The following BRD10 variants were observed in gnomAD, a reference collection of about 807,000 sequenced individuals.
BRD10 encodes bromodomain containing 10, also known as uncharacterized bromodomain-containing protein 10.
At chr9:5,997,634 G>A in the BRD10 span, among the ~76,000 whole-genome samples, 7 of 152,076 alleles carry the variant, frequency 4.6e-5, no homozygotes, top group Non-Finnish European at 8.8e-5. Flanking sequence ...CATAAACATG[G>A]TAATTCAAAA....
At chr9:5,919,815 G>C in the BRD10 span, 1 of 1,613,832 alleles carries the variant, frequency 6.2e-7, no homozygotes, top group Non-Finnish European at 8.5e-7. Context: ...TTAGATGCTG[G>C]AGTATTTATG....
chr9:5,940,256 C>T, the BRD10 span, among the ~76,000 whole-genome samples: 1,709 of 152,234 alleles, frequency 0.011, 20 homozygotes, highest in Non-Finnish European at 0.016. Flanking sequence ...CACAGTGGTG[C>T]GATCTTGGCT....
At chr9:5,893,944 A>C in the BRD10 span, among the ~76,000 whole-genome samples, 2 of 130,686 alleles carry the variant, frequency 1.5e-5, no homozygotes, top group Non-Finnish European at 3.1e-5. Flanking sequence ...GGTGGGTATC[A>C]TTCTTGCTGT....
At chr9:5,989,350 A>G in the BRD10 span, among the ~76,000 whole-genome samples, 3 of 147,442 alleles carry the variant, frequency 2.0e-5, no homozygotes, top group African/African-American at 7.5e-5. Flanking sequence ...GGGAGGACCG[A>G]TGCTTGGGAG....
At chr9:6,003,096 T>C in the BRD10 span, among the ~76,000 whole-genome samples, 2 of 152,232 alleles carry the variant, frequency 1.3e-5, no homozygotes, top group African/African-American at 4.8e-5. Context: ...ATCCCATACA[T>C]GTACCATTTT....
chr9:5,956,111 ACT>A, the BRD10 span, among the ~76,000 whole-genome samples: 1 of 151,836 alleles, frequency 6.6e-6, no homozygotes, highest in African/African-American at 2.4e-5. Context: ...CACCAGCCCT[ACT>A]CTGATTAGCT....
chr9:5,962,031 T>C, the BRD10 span, among the ~76,000 whole-genome samples: 11 of 152,206 alleles, frequency 7.2e-5, no homozygotes, highest in African/African-American at 1.2e-4. Context: ...CTTTTGAATA[T>C]GTTTGCTCTT....
chr9:5,884,339 A>G, the BRD10 span, among the ~76,000 whole-genome samples: 2 of 152,180 alleles, frequency 1.3e-5, no homozygotes, highest in Non-Finnish European at 2.9e-5. Context: ...ATCAGTCCAA[A>G]GGCTCAGCGT....
At chr9:5,959,790 C>A in the BRD10 span, among the ~76,000 whole-genome samples, 1 of 152,152 alleles carries the variant, frequency 6.6e-6, no homozygotes, top group Non-Finnish European at 1.5e-5. Flanking sequence ...TTTTACACAT[C>A]TGATATATCT....
chr9:5,968,946 G>GC, the BRD10 span: 1 of 1,611,666 alleles, frequency 6.2e-7, no homozygotes, highest in Non-Finnish European at 8.5e-7. Flanking sequence ...CCCTTAAGTA[G>GC]CCACACTTTT....
chr9:5,919,885 A>G, the BRD10 span: 1 of 1,613,972 alleles, frequency 6.2e-7, no homozygotes, highest in Non-Finnish European at 8.5e-7. Flanking sequence ...GGTCCAAATG[A>G]AACACTGAAG....
At chr9:6,000,054 T>TA in the BRD10 span, among the ~76,000 whole-genome samples, 1 of 152,182 alleles carries the variant, frequency 6.6e-6, no homozygotes, top group African/African-American at 2.4e-5. Context: ...ATATGCTTAT[T>TA]GTAGAATATC....
the BRD10 span, among the ~76,000 whole-genome samples, chr9:5,934,538 G>GT: frequency 6.6e-6 from 1 of 151,480 alleles, no homozygotes; most frequent in African/African-American, 2.4e-5. Context: ...TTAAATTTTT[G>GT]TTTTTTCAGT....
the BRD10 span, chr9:5,924,576 A>G: frequency 1.4e-6 from 1 of 716,130 alleles, no homozygotes; most frequent in Non-Finnish European, 2.2e-6. Flanking sequence ...TTCATTGACC[A>G]TATTATCTTT....
chr9:5,890,987 G>C, the BRD10 span: 1 of 152,154 alleles, frequency 6.6e-6, no homozygotes, highest in African/African-American at 2.4e-5. Flanking sequence ...TCCCAGAATA[G>C]GATTTGGGAA....
At chr9:5,908,922 A>G in the BRD10 span, 2 of 547,382 alleles carry the variant, frequency 3.7e-6, no homozygotes, top group African/African-American at 1.9e-5. Context: ...AACTCCATCA[A>G]TAAATGTTGC....
the BRD10 span, among the ~76,000 whole-genome samples, chr9:5,934,744 G>C: frequency 2.0e-5 from 3 of 152,228 alleles, no homozygotes; most frequent in East Asian, 1.9e-4. Context: ...TCTTATTTAA[G>C]GGTCTCGTGC....
At chr9:5,912,327 T>C in the BRD10 span, among the ~76,000 whole-genome samples, 1 of 152,192 alleles carries the variant, frequency 6.6e-6, no homozygotes, top group South Asian at 2.1e-4. Context: ...AAGAATAATT[T>C]GGTCTTCTTT....
At chr9:5,879,863 G>C in the BRD10 span, among the ~76,000 whole-genome samples, 1 of 152,158 alleles carries the variant, frequency 6.6e-6, no homozygotes, top group Non-Finnish European at 1.5e-5. Flanking sequence ...CTCCCTGTCA[G>C]ATAATAAGTC....
Sources: gnomAD v4.1 joint callset for allele counts (sites outside exome capture counted in the v4.1 genomes callset) on GRCh38, gnomAD v4.1.1 for gene constraint, MANE v1.5 for transcripts, NCBI Gene and HGNC (gene_info 2026-07-23, HGNC 2026-07-21) for gene names.